RIMS2: variants seen among roughly 807,000 people sequenced by gnomAD.
RIMS2 encodes the protein regulating synaptic membrane exocytosis 2, also known as regulating synaptic membrane exocytosis protein 2.
RIMS2 carries 59 observed loss-of-function variants against 174.4 expected under a neutral mutation model. The ratio of observed to expected loss-of-function variants is 0.34; its 90% confidence interval spans 0.27 to 0.42. The LOEUF (loss-of-function observed/expected upper bound fraction) is 0.42, where lower values mean the gene tolerates loss of function less well. Ranked by LOEUF, RIMS2 falls within the 10% of genes least tolerant of loss-of-function variation. The pLI is 1.00. For missense variants in RIMS2, 1,620 were observed against 1,666.3 expected, an observed-to-expected ratio of 0.97 and a Z score of 0.48; for synonymous variants, 606 against 572.5, an observed-to-expected ratio of 1.06 and a Z score of -0.84.
intron 1 of RIMS2, among the ~76,000 whole-genome samples, chr8:103,691,475 G>T (rs2097024115): frequency 6.6e-6 from 1 of 152,060 alleles, no homozygotes; most frequent in Non-Finnish European, 1.5e-5. Context: ...AGAGACTCAT[G>T]CATTCTTCAG....
At chr8:103,576,359 A>G (rs911719902) in intron 1 of RIMS2, among the ~76,000 whole-genome samples, 1 of 152,238 alleles carries the variant, frequency 6.6e-6, no homozygotes, top group African/African-American at 2.4e-5. Context: ...ATATCCAATA[A>G]AAACCACAAT....
At chr8:103,795,050 A>G (rs1346261822) in intron 3 of RIMS2, among the ~76,000 whole-genome samples, 4 of 152,222 alleles carry the variant, frequency 2.6e-5, no homozygotes, top group African/African-American at 9.7e-5. Context: ...ATCTAGAACT[A>G]GAAATACCAT....
intron 19 of RIMS2, among the ~76,000 whole-genome samples, chr8:104,038,618 A>G (rs1454291879): frequency 6.6e-6 from 1 of 151,952 alleles, no homozygotes; most frequent in Non-Finnish European, 1.5e-5. Flanking sequence ...GCTTCTTCCA[A>G]GTTTCACTGA....
At chr8:103,680,777 G>A (rs1464399371) in intron 1 of RIMS2, among the ~76,000 whole-genome samples, 1 of 151,752 alleles carries the variant, frequency 6.6e-6, no homozygotes, top group Admixed American at 6.6e-5. Flanking sequence ...CTAAAAAATG[G>A]GACATCAATT....
chr8:103,575,838 A>T (rs2093189825), intron 1 of RIMS2, among the ~76,000 whole-genome samples: 1 of 152,034 alleles, frequency 6.6e-6, no homozygotes, highest in Non-Finnish European at 1.5e-5. Context: ...TCCTCCCCAC[A>T]ATCTGCCTGG....
chr8:104,094,467 G>T, intron 19 of RIMS2: 4 of 575,244 alleles, frequency 7.0e-6, no homozygotes, highest in East Asian at 3.0e-5. Flanking sequence ...AATTTCTGTT[G>T]CTTTCAAAAG....
intron 19 of RIMS2, among the ~76,000 whole-genome samples, chr8:104,032,642 A>C (rs1392559993): frequency 6.6e-6 from 1 of 152,074 alleles, no homozygotes; most frequent in Non-Finnish European, 1.5e-5. Context: ...ATGAGAATAC[A>C]TTGAAATTTT....
intron 1 of RIMS2, among the ~76,000 whole-genome samples, chr8:103,585,591 A>G (rs143730463): frequency 0.01 from 1,531 of 152,292 alleles, 29 homozygotes; most frequent in African/African-American, 0.035. Context: ...AGGGACATGG[A>G]TGAAGCTGGA....
At chr8:103,767,390 G>A (rs560612380) in intron 3 of RIMS2, among the ~76,000 whole-genome samples, 8 of 152,102 alleles carry the variant, frequency 5.3e-5, no homozygotes, top group Non-Finnish European at 8.8e-5. Context: ...GTTTCACCAC[G>A]TTGGCTAGTA....
intron 19 of RIMS2, among the ~76,000 whole-genome samples, chr8:104,105,926 G>C (rs975242978): frequency 4.0e-5 from 6 of 150,418 alleles, no homozygotes; most frequent in Non-Finnish European, 8.9e-5. Flanking sequence ...AGTAGTCCCA[G>C]CTACTCGGGA....
intron 19 of RIMS2, among the ~76,000 whole-genome samples, chr8:104,169,734 C>T (rs775526195): frequency 1.2e-4 from 18 of 151,674 alleles, no homozygotes; most frequent in Non-Finnish European, 2.2e-4. Context: ...TTAGTTTGTT[C>T]TTGTTTCTCT....
chr8:103,946,577 T>TA lies in RIMS2; in HGVS notation c.2701+3657dup, dbSNP rs1308804382. Among the ~76,000 whole-genome samples, 6 of 152,076 alleles carry TA rather than the reference T, an allele frequency of 3.9e-5. No homozygotes were observed. The East Asian group carries it at 5.8e-4, about 15-fold the overall frequency. Reference sequence around the variant, plus strand: ...ACAAAAGATGTTCAAACTCGTACAATAAAAAATCACAAAACATTGTTCAGA... The same window carrying TA: ...ACAAAAGATGTTCAAACTCGTACAATAAAAAAATCACAAAACATTGTTCAGA... On this transcript the variant is annotated intron_variant, in intron 14 of 23. Transcript: ENST00000504942.
chr8:104,144,013 A>G (rs569246159), intron 19 of RIMS2, among the ~76,000 whole-genome samples: 97 of 152,292 alleles, frequency 6.4e-4, no homozygotes, highest in African/African-American at 2.2e-3. Flanking sequence ...GCCCTATAGC[A>G]TATAAACTTC....
intron 19 of RIMS2, 57 bp from the exon 26 acceptor site, chr8:104,244,859 A>G: frequency 6.9e-7 from 1 of 1,445,508 alleles, no homozygotes; most frequent in Non-Finnish European, 9.6e-7. Context: ...CTTCGCTGAT[A>G]TTTCTTACCA....
chr8:103,580,639 C>T (rs1378274629), intron 1 of RIMS2, among the ~76,000 whole-genome samples: 2 of 151,936 alleles, frequency 1.3e-5, no homozygotes, highest in Non-Finnish European at 2.9e-5. Flanking sequence ...GAAGATTTAA[C>T]CATGAAGAAA....
chr8:103,880,413 T>C (rs563400731), intron 3 of RIMS2: 4 of 318,306 alleles, frequency 1.3e-5, no homozygotes, highest in African/African-American at 8.6e-5. Flanking sequence ...AGTAACAGCA[T>C]TAAAGAATAA....
intron 11 of RIMS2, among the ~76,000 whole-genome samples, chr8:103,930,159 A>G (rs2079619730): frequency 6.6e-6 from 1 of 151,992 alleles, no homozygotes; most frequent in Non-Finnish European, 1.5e-5. Context: ...ATTCCTATAA[A>G]AGGGCTGATT....
intron 19 of RIMS2, among the ~76,000 whole-genome samples, chr8:104,071,246 A>C (rs961181638): frequency 5.9e-5 from 9 of 152,218 alleles, no homozygotes; most frequent in Non-Finnish European, 1.3e-4. Flanking sequence ...CTTTGACAGC[A>C]ATCATTTTAA....
intron 3 of RIMS2, among the ~76,000 whole-genome samples, chr8:103,838,655 T>G (rs1487836080): frequency 6.6e-6 from 1 of 152,226 alleles, no homozygotes; most frequent in Non-Finnish European, 1.5e-5. Context: ...ACGAATATTT[T>G]GGATAAGCAG....
Sources: allele counts gnomAD v4.1 joint callset (sites outside exome capture counted in the v4.1 genomes callset), GRCh38; gene constraint gnomAD v4.1.1; transcripts MANE v1.5; gene names NCBI Gene and HGNC (gene_info 2026-07-23, HGNC 2026-07-21).